NCAM2: variants seen among roughly 807,000 people sequenced by gnomAD.
The protein encoded by NCAM2 is N-CAM-2.
In NCAM2, 30 loss-of-function variants were observed where a neutral mutation model predicts 98.1. That is an observed-to-expected ratio of 0.31 (90% CI 0.23 to 0.41). NCAM2 has a LOEUF of 0.41. Ranked by LOEUF, NCAM2 falls within the 10% of genes least tolerant of loss-of-function variation. The pLI is 1.00. For synonymous variants in NCAM2, 368 were observed against 342.4 expected, an observed-to-expected ratio of 1.07 and a Z score of -0.83; for missense variants, 867 against 1,005.8, an observed-to-expected ratio of 0.86 and a Z score of 1.87.
chr21:21,477,293 A>G lies in NCAM2; in HGVS notation c.1899A>G (p.Lys633=). 1.3e-6 allele frequency: 2 copies of G among 1,576,380 alleles called. No homozygotes were observed. The stretch of plus-strand genomic sequence containing the variant: ...CTGCATTTTTATTGCTTTCACAGAA[A>G]GATAAGGAAGACCAATGGCTAGAGA... The part of the protein sequence containing the change: ...ILEYIVKYRS[K]DKEDQWLEKK... The change falls in exon 15 of 18, where the codon AAA becomes AAG. Residue 633 remains lysine (K), a splice_region_variant and synonymous_variant. Coordinates refer to ENST00000400546, the MANE Select transcript of NCAM2 (RefSeq NM_004540.5).
In NCAM2 at chr21:21,451,438, A is replaced by G. The variant is rs552381032; in HGVS notation, c.1655-15168A>G. 2.0e-5 allele frequency among the ~76,000 whole-genome samples: 3 copies of G among 152,318 alleles called. No homozygotes were observed. The East Asian group carries it at 5.8e-4, about 29-fold the overall frequency. On this transcript the variant is annotated intron_variant, in intron 12 of 17. Coordinates refer to ENST00000400546, the MANE Select transcript of NCAM2 (RefSeq NM_004540.5). ...TCAATATTAATTCTTAATGAACATG[A>G]GTAAACCTTCATTCTACTTACCAAG...
At chr21:21,217,392 G>C (rs1338917493) in intron 1 of NCAM2, among the ~76,000 whole-genome samples, 2 of 152,122 alleles carry the variant, frequency 1.3e-5, no homozygotes, top group Non-Finnish European at 1.5e-5. Flanking sequence ...GTGAGTATAT[G>C]TTACCGGTAC....
At chr21:21,299,007 A>G (rs1170879774) in intron 5 of NCAM2, among the ~76,000 whole-genome samples, 1 of 151,536 alleles carries the variant, frequency 6.6e-6, no homozygotes, top group Non-Finnish European at 1.5e-5. Context: ...GAATCCTATC[A>G]TTTGTGAAAC....
intron 4 of NCAM2, among the ~76,000 whole-genome samples, chr21:21,289,451 A>T (rs531112559): frequency 1.3e-5 from 2 of 152,096 alleles, no homozygotes; most frequent in South Asian, 2.1e-4. Context: ...AGAGTGTCAA[A>T]GATGCCTGCC....
intron 12 of NCAM2, among the ~76,000 whole-genome samples, chr21:21,447,294 T>C (rs1980320946): frequency 6.6e-6 from 1 of 151,894 alleles, no homozygotes; most frequent in Non-Finnish European, 1.5e-5. Flanking sequence ...AAACAAGCAA[T>C]GGGGAAAGGA....
Position 21,319,018 on chromosome 21 carries a change from G to A in NCAM2, c.620-5365G>A, listed in dbSNP as rs528423678. ...CCAGGCTCTGTGAGACACTCCTGAGGCAGGAGTACTGCTTGAGCCCAAGAG... is the reference window on the plus strand; with the variant it reads ...CCAGGCTCTGTGAGACACTCCTGAGACAGGAGTACTGCTTGAGCCCAAGAG... On this transcript the variant is annotated intron_variant, in intron 5 of 17. Coordinates refer to ENST00000400546, the MANE Select transcript of NCAM2 (RefSeq NM_004540.5). Among the ~76,000 whole-genome samples the A allele has an allele frequency of 4.1e-4, 63 of 152,184 alleles. 1 individual carries two copies. Among genetic ancestry groups the A allele is most frequent in the Admixed American group, 3.6e-3 (55 of 15,284 alleles).
intron 1 of NCAM2, among the ~76,000 whole-genome samples, chr21:21,158,951 A>G (rs2067696458): frequency 6.6e-6 from 1 of 152,110 alleles, no homozygotes; most frequent in Non-Finnish European, 1.5e-5. Flanking sequence ...CCAAAAGCAG[A>G]CCTTGTTATC....
intron 14 of NCAM2, among the ~76,000 whole-genome samples, chr21:21,472,663 T>C (rs1039255825): frequency 2.0e-5 from 3 of 150,884 alleles, no homozygotes; most frequent in African/African-American, 7.4e-5. Flanking sequence ...GTATTATAAA[T>C]AGAATAATTA....
intron 12 of NCAM2, among the ~76,000 whole-genome samples, chr21:21,445,390 T>G (rs1415844151): frequency 6.6e-6 from 1 of 152,158 alleles, no homozygotes; most frequent in Non-Finnish European, 1.5e-5. Flanking sequence ...AATATCCTTG[T>G]TGATTTTCTG....
chr21:21,229,991 A>C (rs1199989189), intron 1 of NCAM2, among the ~76,000 whole-genome samples: 1 of 151,348 alleles, frequency 6.6e-6, no homozygotes, highest in African/African-American at 2.4e-5. Flanking sequence ...TAACAGATTT[A>C]TATTTATTTG....
chr21:21,374,399 ATTGTT>A (rs778144690), intron 9 of NCAM2, among the ~76,000 whole-genome samples: 1 of 151,816 alleles, frequency 6.6e-6, no homozygotes, highest in East Asian at 1.9e-4. Context: ...TCTTATTCAA[ATTGTT>A]TTGTTAGGCT....
intron 1 of NCAM2, among the ~76,000 whole-genome samples, chr21:21,018,386 T>G (rs1244456519): frequency 6.6e-6 from 1 of 152,226 alleles, no homozygotes; most frequent in African/African-American, 2.4e-5. Flanking sequence ...ATTCTTCATT[T>G]CAGTTTCTCC....
chr21:21,411,213 T>C (rs1189565434), intron 10 of NCAM2, among the ~76,000 whole-genome samples: 1 of 136,156 alleles, frequency 7.3e-6, no homozygotes, highest in African/African-American at 2.7e-5. Context: ...GGGATAAAAA[T>C]TTTTCCATAT....
At chr21:21,027,414 A>G (rs1355686814) in intron 1 of NCAM2, among the ~76,000 whole-genome samples, 1 of 152,210 alleles carries the variant, frequency 6.6e-6, no homozygotes, top group Non-Finnish European at 1.5e-5. Context: ...AGGAACTATA[A>G]GTTTCATTCA....
In NCAM2 at chr21:21,032,155, A is replaced by C. The variant is rs145382860; in HGVS notation, c.55+33537A>C. Reference sequence around the variant, plus strand: ...GCCTTTTTAATTAGTTATTTAGAAAAGTATTGGTTACACTCTAAATAACTC... The same window carrying C: ...GCCTTTTTAATTAGTTATTTAGAAACGTATTGGTTACACTCTAAATAACTC... On this transcript the variant is annotated intron_variant, in intron 1 of 17. Transcript: ENST00000400546. 1.5e-3 allele frequency among the ~76,000 whole-genome samples: 221 copies of C among 149,898 alleles called. 2 individuals are homozygous for C. Among genetic ancestry groups the C allele is most frequent in the Non-Finnish European group, 2.6e-3 (177 of 67,584 alleles).
At chr21:21,292,070 T>A in intron 4 of NCAM2, 34 bp from the exon 5 acceptor site, 1 of 1,594,024 alleles carries the variant, frequency 6.3e-7, no homozygotes, top group South Asian at 1.1e-5. Flanking sequence ...CTTCAATTAC[T>A]GATACCATTT....
At chr21:21,502,870 C>T (rs1277463843) in intron 15 of NCAM2, among the ~76,000 whole-genome samples, 1 of 151,902 alleles carries the variant, frequency 6.6e-6, no homozygotes, top group Non-Finnish European at 1.5e-5. Context: ...TTGCAGCTTT[C>T]CACGTCCTGA....
At chr21:21,094,674 T>C (rs1363563420) in intron 1 of NCAM2, among the ~76,000 whole-genome samples, 2 of 151,724 alleles carry the variant, frequency 1.3e-5, no homozygotes, top group Non-Finnish European at 3.0e-5. Flanking sequence ...GTATGTAGTG[T>C]TTTGAACTGT....
chr21:21,144,890 A>G (rs1053703024), intron 1 of NCAM2, among the ~76,000 whole-genome samples: 2 of 152,194 alleles, frequency 1.3e-5, no homozygotes, highest in South Asian at 2.1e-4. Context: ...AAGCATGTCA[A>G]CACTAGTACA....
Sources: gnomAD v4.1 joint callset for allele counts (sites outside exome capture counted in the v4.1 genomes callset) on GRCh38, gnomAD v4.1.1 for gene constraint, MANE v1.5 for transcripts, NCBI Gene and HGNC (gene_info 2026-07-23, HGNC 2026-07-21) for gene names.